The following COL7A1 variants were observed in gnomAD, a reference collection of about 807,000 sequenced individuals.
COL7A1 encodes the protein collagen alpha-1(VII) chain.
A neutral mutation model predicts 456.2 loss-of-function variants in COL7A1; 296 were observed. The observed-to-expected ratio is 0.65, with a 90% CI of 0.59 to 0.71. The LOEUF (loss-of-function observed/expected upper bound fraction) is 0.71, where lower values mean the gene tolerates loss of function less well. Ranked by LOEUF, COL7A1 falls within the 30% of genes least tolerant of loss-of-function variation. The pLI is 0.00. For synonymous variants in COL7A1, 1,464 were observed against 1,525.9 expected (o/e 0.96, Z 0.95); for missense variants, 3,441 against 4,017.2 (o/e 0.86, Z 3.88).
chr3:48,566,417 G>A lies in COL7A1; in HGVS notation c.8358+93C>T, dbSNP rs556523623. ...TATGGTGAGACTGCATGGAGCCAGG[G>A]CCCAGGGGTCAGGGTGCTGGGTGAG... On this transcript the variant is annotated intron_variant, in intron 113 of 118. Coordinates refer to ENST00000681320, the MANE Select transcript of COL7A1 (RefSeq NM_000094.4). The surrounding 1 kb of genome is among the most constrained non-coding windows in gnomAD (Gnocchi z 5.9). The A allele has an allele frequency of 1.5e-3, 2,438 of 1,605,906 alleles. 4 individuals carry two copies. The highest frequency in any genetic ancestry group is 1.8e-3 in the Non-Finnish European group (2,137 of 1,173,602).
chr3:48,584,653 A>G, intron 35 of COL7A1, 81 bp downstream of exon 35: 1 of 1,612,578 alleles, frequency 6.2e-7, no homozygotes. Flanking sequence ...TTCGCGCCTT[A>G]GGCCCTGCAC....
rs1483890341 is a variant in COL7A1, at chr3:48,593,323, C to G, written c.520+33G>C. On this transcript the variant is annotated intron_variant, in intron 5 of 118. Coordinates refer to ENST00000681320, the MANE Select transcript of COL7A1 (RefSeq NM_000094.4). The surrounding 1 kb of genome is among the most constrained non-coding windows in gnomAD (Gnocchi z 4.4). ...CATGCTCTCTGACTGCCCCCACCCC[C>G]CAGCTGACCTGTCACTCCTGCTCGG... 6.2e-7 allele frequency: 1 copy of G among 1,614,054 alleles called. No homozygotes were observed. Among genetic ancestry groups the G allele is most frequent in the Admixed American group, 1.7e-5 (1 of 60,028 alleles).
chr3:48,578,287 C>T lies in COL7A1; in HGVS notation c.5532+34G>A, dbSNP rs2044467037. On this transcript the variant is annotated intron_variant, in intron 65 of 118. Coordinates refer to ENST00000681320, the MANE Select transcript of COL7A1 (RefSeq NM_000094.4). This position sits in a 1 kb window ranked among gnomAD's most constrained non-coding sequence, Gnocchi z 4.7. ...GTGTAGGTGTGCTGGCGTTTCTTGG[C>T]AGGTTTCGCCGCAGCTGCCCTGGAC... The T allele has an allele frequency of 1.2e-6, 2 of 1,611,920 alleles. No individual in the cohort carries two copies. The highest frequency in any genetic ancestry group is 1.1e-5 in the South Asian group (1 of 90,986).
intron 47 of COL7A1, 110 bp downstream of exon 47, chr3:48,582,213 G>C: frequency 6.3e-7 from 1 of 1,582,780 alleles, no homozygotes; most frequent in Non-Finnish European, 8.7e-7. Context: ...AGAGCTCCCA[G>C]CCTGCTCACG....
Position 48,570,603 on chromosome 3 carries a change from A to G in COL7A1, c.7344+36T>C, listed in dbSNP as rs532235213. 59 of 1,612,314 alleles carry G rather than the reference A, an allele frequency of 3.7e-5. No individual in the cohort carries two copies. In the Admixed American group the frequency reaches 6.4e-4, roughly 17 times the overall value. On this transcript the variant is annotated intron_variant, in intron 96 of 118. Coordinates refer to ENST00000681320, the MANE Select transcript of COL7A1 (RefSeq NM_000094.4). The surrounding 1 kb of genome is among the most constrained non-coding windows in gnomAD (Gnocchi z 5.5). ...TCCTAAGTCCTCACGAGGACAGGAA[A>G]TCAAATACGTGGGGCTTTAGGGCAC...
Position 48,579,322 on chromosome 3 carries a change from T to C in COL7A1, c.5308-45A>G. ...AAGAGGCCACCAAGGCTGAGGTGGA[T>C]CTGATAACCCAGGCTCATGTCCTGA... On this transcript the variant is annotated intron_variant, in intron 61 of 118. Transcript: ENST00000681320. The surrounding 1 kb of genome is among the most constrained non-coding windows in gnomAD (Gnocchi z 4.4). 27 of 1,614,146 alleles carry C rather than the reference T, an allele frequency of 1.7e-5. No homozygotes were observed. Among genetic ancestry groups the C allele is most frequent in the Non-Finnish European group, 2.3e-5 (27 of 1,180,028 alleles).
At position 48,580,978 on chromosome 3, in the gene COL7A1, A is replaced by C; in HGVS notation, c.4936-52T>G. 1 of 1,610,534 alleles carries C rather than the reference A, an allele frequency of 6.2e-7. No individual in the cohort carries two copies. The highest frequency in any genetic ancestry group is 8.5e-7 in the Non-Finnish European group (1 of 1,177,542). On this transcript the variant is annotated intron_variant, in intron 53 of 118. Coordinates refer to ENST00000681320, the MANE Select transcript of COL7A1 (RefSeq NM_000094.4). This position sits in a 1 kb window ranked among gnomAD's most constrained non-coding sequence, Gnocchi z 4.5. ...GCACAGGGCAGTCAGGATCTAACTC[A>C]CTCAGGGAGAGGGGACAGAGAAGGG...
rs367958901 is a variant in COL7A1, at chr3:48,583,046, G to T, written c.4485C>A (p.Gly1495=). 2 of 1,613,944 alleles carry T rather than the reference G, an allele frequency of 1.2e-6. No individual in the cohort carries two copies. Among genetic ancestry groups the T allele is most frequent in the South Asian group, 2.2e-5 (2 of 91,074 alleles). Residue 1495 remains glycine (G), a splice_region_variant and synonymous_variant, in exon 44 of 119, where the codon GGC becomes GGA. Coordinates refer to ENST00000681320, the MANE Select transcript of COL7A1 (RefSeq NM_000094.4). This position sits in a 1 kb window ranked among gnomAD's most constrained non-coding sequence, Gnocchi z 5.1. ...PGPLGEAGEK[G]ERGPPGPAGS... is the part of the protein sequence containing the mutation. Reference sequence around the variant, plus strand: ...CCGCTGGGCCTGGGGGTCCACGTTCGCCCTGATGGAAAAGAAGAGGTCAGA... The same window carrying T: ...CCGCTGGGCCTGGGGGTCCACGTTCTCCCTGATGGAAAAGAAGAGGTCAGA...
rs991339141 is a variant in COL7A1, at chr3:48,586,869, G to A, written c.3276+103C>T. The A allele has an allele frequency of 1.3e-5, 20 of 1,535,382 alleles. No individual in the cohort carries two copies. Among genetic ancestry groups the A allele is most frequent in the Non-Finnish European group, 1.7e-5 (19 of 1,134,600 alleles). ...GGTCTGGAGCCTGTGAGAGAGCTGGGAGAATGCCTGAACCTATTGGGTGGT... is the reference window on the plus strand; with the variant it reads ...GGTCTGGAGCCTGTGAGAGAGCTGGAAGAATGCCTGAACCTATTGGGTGGT... On this transcript the variant is annotated intron_variant, in intron 25 of 118. Coordinates refer to ENST00000681320, the MANE Select transcript of COL7A1 (RefSeq NM_000094.4). The surrounding 1 kb of genome is among the most constrained non-coding windows in gnomAD (Gnocchi z 5.1).
At position 48,573,932 on chromosome 3, in the gene COL7A1, C is replaced by T. The variant is rs751599077; in HGVS notation, c.6502-42G>A. The T allele has an allele frequency of 1.2e-6, 2 of 1,610,546 alleles. No individual in the cohort carries two copies. Among genetic ancestry groups the T allele is most frequent in the Non-Finnish European group, 1.7e-6 (2 of 1,179,026 alleles). ...CTGATGAGCCTCAATCTGGGCCTCA[C>T]TTGGGCCTGTTCCCAACCTCTGGGG... On this transcript the variant is annotated intron_variant, in intron 80 of 118. Coordinates refer to ENST00000681320, the MANE Select transcript of COL7A1 (RefSeq NM_000094.4). The surrounding 1 kb of genome is among the most constrained non-coding windows in gnomAD (Gnocchi z 5.5).
Position 48,593,209 on chromosome 3 carries a change from C to G in COL7A1, c.575G>C (p.Ser192Thr), listed in dbSNP as rs1311452277. 6.2e-7 allele frequency: 1 copy of G among 1,614,022 alleles called. No individual in the cohort carries two copies. Among genetic ancestry groups the G allele is most frequent in the Non-Finnish European group, 8.5e-7 (1 of 1,180,020 alleles). The change falls in exon 6 of 119, where the codon AGT (serine) becomes ACT (threonine). Residue 192 changes from serine (S) to threonine (T), a missense_variant. This residue lies in a region of COL7A1 where 913 missense variants were observed against 1,088.2 expected (regional missense o/e 0.84). Coordinates refer to ENST00000681320, the MANE Select transcript of COL7A1 (RefSeq NM_000094.4). The surrounding 1 kb of genome is among the most constrained non-coding windows in gnomAD (Gnocchi z 4.4). ...ELKRVASQPT[S>T]DFFFFVNDFS... ...GTCATTGACGAAGAAGAAGAAGTCA[C>G]TGGTGGGCTGTGAGGCAACTCGCTT...
At position 48,566,516 on chromosome 3, in the gene COL7A1, T is replaced by C; in HGVS notation, c.8352A>G (p.Ala2784=). Residue 2784 remains alanine (A), a synonymous_variant, in exon 113 of 119, where the codon GCA becomes GCG. Transcript: ENST00000681320. The surrounding 1 kb of genome is among the most constrained non-coding windows in gnomAD (Gnocchi z 5.9). ...AGPRGEKGEA[A]LTEDDIRGFV... Reference sequence around the variant, plus strand: ...CATCCAGGCCCACACTCACCGTCAGTGCAGCTTCTCCCTTCTCGCCTCGAG... The same window carrying C: ...CATCCAGGCCCACACTCACCGTCAGCGCAGCTTCTCCCTTCTCGCCTCGAG... 6.2e-7 allele frequency: 1 copy of C among 1,613,806 alleles called. No homozygotes were observed. Among genetic ancestry groups the C allele is most frequent in the Non-Finnish European group, 8.5e-7 (1 of 1,179,896 alleles).
Position 48,592,571 on chromosome 3 carries a change from G to A in COL7A1, c.975C>T (p.Thr325=). Residue 325 remains threonine, a splice_region_variant and synonymous_variant, in exon 8 of 119, where the codon ACC becomes ACT. Transcript: ENST00000681320. This position sits in a 1 kb window ranked among gnomAD's most constrained non-coding sequence, Gnocchi z 7.6. ...IGEAVSGTAR[T]TALEGPELTI... is the part of the protein sequence containing the mutation. ...TCAGAGGCTGGCAGAATTGCTCACT[G>A]GTCCGAGCTGTCCCGCTCACAGCCT... 5.6e-6 allele frequency: 9 copies of A among 1,613,966 alleles called. No homozygotes were observed. The highest frequency in any genetic ancestry group is 7.6e-6 in the Non-Finnish European group (9 of 1,180,048).
In COL7A1 at chr3:48,581,578, C is replaced by A. The variant is rs2044760792; in HGVS notation, c.4777G>T (p.Asp1593Tyr). The change falls in exon 50 of 119, where the codon GAC becomes TAC. Residue 1593 changes from aspartate (D) to tyrosine (Y), a missense_variant. Physicochemically the swap from Asp to Tyr is radical, Grantham distance 160. Transcript: ENST00000681320. The surrounding 1 kb of genome is among the most constrained non-coding windows in gnomAD (Gnocchi z 5.8). Reference sequence around the variant, plus strand: ...CCATTCCCACATTGATTCACCCGGTCTCCAGGGTCTCCCTTGGGGCCAGGG... The same window carrying A: ...CCATTCCCACATTGATTCACCCGGTATCCAGGGTCTCCCTTGGGGCCAGGG... ...GDPGPKGDPGDRGPIGLTGRA... is the reference protein window; with the variant it reads ...GDPGPKGDPGYRGPIGLTGRA... The A allele has an allele frequency of 6.2e-7, 1 of 1,613,942 alleles. No individual in the cohort carries two copies. Among genetic ancestry groups the A allele is most frequent in the Admixed American group, 1.7e-5 (1 of 59,988 alleles).
In COL7A1 at chr3:48,589,101, AG is replaced by A. The variant is rs2045507457; in HGVS notation, c.2315-107del. ...AAGTCAGTGTGAGGTTAGTGTGGAC[AG>A]GTCACTTTAGGCAGCCCTGAGGAGG... On this transcript the variant is annotated intron_variant, in intron 18 of 118. Transcript: ENST00000681320. 5.7e-6 allele frequency: 9 copies of A among 1,581,188 alleles called. No individual in the cohort carries two copies. In the South Asian group the frequency reaches 1.0e-4, roughly 18 times the overall value.
rs1288291626 is a variant in COL7A1, at chr3:48,568,755, C to T, written c.7758+29G>A. On this transcript the variant is annotated intron_variant, in intron 104 of 118. Coordinates refer to ENST00000681320, the MANE Select transcript of COL7A1 (RefSeq NM_000094.4). This position sits in a 1 kb window ranked among gnomAD's most constrained non-coding sequence, Gnocchi z 5.2. Reference sequence around the variant, plus strand: ...GTGTGATGCTGGCTCTGGACCTGGGCCTGGGCCTGGGCCTGGGGCAGAACT... The same window carrying T: ...GTGTGATGCTGGCTCTGGACCTGGGTCTGGGCCTGGGCCTGGGGCAGAACT... The T allele has an allele frequency of 6.4e-7, 1 of 1,554,952 alleles. No individual in the cohort carries two copies. The highest frequency in any genetic ancestry group is 2.4e-5 in the East Asian group (1 of 41,566).
Position 48,581,898 on chromosome 3 carries a change from A to C in COL7A1, c.4668+13T>G. The C allele has an allele frequency of 1.2e-6, 2 of 1,614,064 alleles. No individual in the cohort carries two copies. Among genetic ancestry groups the C allele is most frequent in the Non-Finnish European group, 8.5e-7 (1 of 1,180,032 alleles). ...CCCTGTAGAAACCTCCCCTTGCCCC[A>C]TACCAGGCTTACCTTTTCTCCTTTG... On this transcript the variant is annotated intron_variant, in intron 48 of 118. Transcript: ENST00000681320. This position sits in a 1 kb window ranked among gnomAD's most constrained non-coding sequence, Gnocchi z 5.8.
Position 48,594,385 on chromosome 3 carries a change from C to CTGCACTG in COL7A1, c.242_248dup (p.Gln83HisfsTer7), listed in dbSNP as rs755952731. On this transcript the variant is annotated frameshift_variant, in exon 3 of 119. Coordinates refer to ENST00000681320, the MANE Select transcript of COL7A1 (RefSeq NM_000094.4). LOFTEE classifies it high-confidence loss of function. This position sits in a 1 kb window ranked among gnomAD's most constrained non-coding sequence, Gnocchi z 5.5. The stretch of plus-strand genomic sequence containing the variant: ...CTACTCACCGTGGGTCATCGCTGTA[C>CTGCACTG]TGCACTGTGGCAAAGCGCACACCCT... 6.2e-7 allele frequency: 1 copy of CTGCACTG among 1,611,076 alleles called. No individual in the cohort carries two copies. Among genetic ancestry groups the CTGCACTG allele is most frequent in the Non-Finnish European group, 8.5e-7 (1 of 1,180,026 alleles).
chr3:48,580,809 C>G lies in COL7A1; in HGVS notation c.4980+73G>C. 1 of 1,597,282 alleles carries G rather than the reference C, an allele frequency of 6.3e-7. No individual in the cohort carries two copies. Among genetic ancestry groups the G allele is most frequent in the Non-Finnish European group, 8.6e-7 (1 of 1,164,988 alleles). ...TGCAGGGACTCCCATCACCCCTTACCCCCCTCAGCCTTTCCTATCACCTTC... is the reference window on the plus strand; with the variant it reads ...TGCAGGGACTCCCATCACCCCTTACGCCCCTCAGCCTTTCCTATCACCTTC... On this transcript the variant is annotated intron_variant, in intron 54 of 118. Transcript: ENST00000681320. This position sits in a 1 kb window ranked among gnomAD's most constrained non-coding sequence, Gnocchi z 4.5.
Sources: allele counts gnomAD v4.1 joint callset, GRCh38; gene constraint gnomAD v4.1.1; regional missense constraint gnomAD v4.1.1; non-coding constraint Gnocchi (gnomAD v3.1); transcripts MANE v1.5; gene names NCBI Gene and HGNC (gene_info 2026-07-23, HGNC 2026-07-21).